Variants in ATE1 observed in about 807,000 individuals in gnomAD.
The protein encoded by ATE1 is arginyl-tRNA--protein transferase 1.
ATE1 carries 36 observed loss-of-function variants against 70.5 expected under a neutral mutation model. The observed-to-expected ratio is 0.51, with a 90% confidence interval of 0.39 to 0.67. ATE1 has a LOEUF of 0.67. Among genes scored for constraint, ATE1 ranks in the 30% least tolerant of loss-of-function variants. ATE1 has a pLI of 0.00. For synonymous variants in ATE1, 232 were observed against 219.3 expected (o/e 1.06, Z -0.51); for missense variants, 593 against 629.5 (o/e 0.94, Z 0.62).
At chr10:121,786,609 C>A (rs922239288) in intron 11 of ATE1, among the ~76,000 whole-genome samples, 1 of 150,582 alleles carries the variant, frequency 6.6e-6, no homozygotes, top group Non-Finnish European at 1.5e-5. Context: ...GCAGAGGCTG[C>A]AGTGAGCCAA....
intron 7 of ATE1, among the ~76,000 whole-genome samples, chr10:121,896,372 A>G (rs1950779236): frequency 6.6e-6 from 1 of 152,256 alleles, no homozygotes; most frequent in African/African-American, 2.4e-5. Flanking sequence ...CAAAATAACA[A>G]CAAAAAAGTA....
intron 10 of ATE1, among the ~76,000 whole-genome samples, chr10:121,793,096 TA>T (rs1257554012): frequency 6.6e-6 from 1 of 152,162 alleles, no homozygotes; most frequent in Non-Finnish European, 1.5e-5. Flanking sequence ...TGCATTTTTT[TA>T]AAAAAGGCAA....
Position 121,811,294 on chromosome 10 carries a change from A to T in ATE1, c.1258-21005T>A, listed in dbSNP as rs148097127. Among the ~76,000 whole-genome samples, 79 of 152,210 alleles carry T rather than the reference A, an allele frequency of 5.2e-4. 1 individual carries two copies. Among genetic ancestry groups the T allele is most frequent in the African/African-American group, 1.8e-3 (76 of 41,476 alleles). On this transcript the variant is annotated intron_variant, in intron 10 of 11. Transcript: ENST00000224652. ...TAAACAGGGAGAGAGAGGGGGAGAA[A>T]AGAGGGAGAAAAAAATGACAACAGA...
intron 7 of ATE1, among the ~76,000 whole-genome samples, chr10:121,885,022 A>G (rs1950337635): frequency 6.6e-6 from 1 of 152,126 alleles, no homozygotes; most frequent in South Asian, 2.1e-4. Context: ...GCACTTTGGG[A>G]GGCCAAGGCA....
chr10:121,900,154 A>C (rs1950924636), intron 6 of ATE1, among the ~76,000 whole-genome samples, 160 bp from the exon 7 acceptor site: 1 of 152,228 alleles, frequency 6.6e-6, no homozygotes, highest in Non-Finnish European at 1.5e-5. Context: ...GTAAATAAAG[A>C]AAAAAGTTAT....
chr10:121,817,526 G>A (rs537954755), intron 10 of ATE1, among the ~76,000 whole-genome samples: 17 of 122,272 alleles, frequency 1.4e-4, no homozygotes, highest in Non-Finnish European at 2.0e-4. Context: ...GCGACAGAGC[G>A]AGACTCTGTC....
intron 10 of ATE1, among the ~76,000 whole-genome samples, chr10:121,812,277 T>C (rs923449502): frequency 3.3e-5 from 5 of 152,238 alleles, no homozygotes; most frequent in South Asian, 2.1e-4. Context: ...CTAAAATATG[T>C]AGCCACGGTA....
chr10:121,775,426 T>C (rs1324860815), intron 11 of ATE1, among the ~76,000 whole-genome samples: 1 of 152,038 alleles, frequency 6.6e-6, no homozygotes, highest in Non-Finnish European at 1.5e-5. Flanking sequence ...GGCACATGTA[T>C]AACTATGTAA....
chr10:121,799,854 T>C (rs1469667220), intron 10 of ATE1, among the ~76,000 whole-genome samples: 1 of 152,198 alleles, frequency 6.6e-6, no homozygotes, highest in East Asian at 1.9e-4. Flanking sequence ...CTTCTTACAA[T>C]TGAATATACA....
intron 5 of ATE1, among the ~76,000 whole-genome samples, chr10:121,905,679 C>T (rs752829189): frequency 6.6e-6 from 1 of 152,026 alleles, no homozygotes; most frequent in African/African-American, 2.4e-5. Flanking sequence ...CCTGTCTCTA[C>T]TAAAAATACA....
chr10:121,928,377 A>C (rs1952192910), upstream of ATE1: 1 of 1,532,884 alleles, frequency 6.5e-7, no homozygotes, highest in South Asian at 1.2e-5. Context: ...TTGGAATCGC[A>C]GTAGCCGCAG....
chr10:121,806,824 G>A (rs939546767), intron 10 of ATE1, among the ~76,000 whole-genome samples: 27 of 152,294 alleles, frequency 1.8e-4, no homozygotes, highest in African/African-American at 3.8e-4. Context: ...TCAGGTGAAC[G>A]TACACGGGTG....
In ATE1 at chr10:121,818,324, C is replaced by G. The variant is rs115116275; in HGVS notation, c.1257+18394G>C. Among the ~76,000 whole-genome samples, 1,172 of 144,288 alleles carry G rather than the reference C, an allele frequency of 8.1e-3. 18 individuals carry two copies. Among genetic ancestry groups the G allele is most frequent in the African/African-American group, 0.029 (1,125 of 39,316 alleles). 94.7% of individuals were successfully genotyped at this position (144,288 alleles called of 152,430 possible). A position where few individuals can be genotyped will look rare whatever the true frequency, so the allele number is the denominator to read the frequency against. On this transcript the variant is annotated intron_variant, in intron 10 of 11. Transcript: ENST00000224652. ...TTTAATTACTGAGTTATTAGCTATT[C>G]AATTATCACACCATTAAGAGAAAAG...
intron 10 of ATE1, among the ~76,000 whole-genome samples, chr10:121,796,353 A>AT (rs921844755): frequency 1.9e-4 from 29 of 152,302 alleles, no homozygotes; most frequent in Admixed American, 7.2e-4. Context: ...TTAATTAAAC[A>AT]TTTTTTTGGT....
intron 10 of ATE1, among the ~76,000 whole-genome samples, chr10:121,804,103 T>C (rs1947000628): frequency 6.6e-6 from 1 of 151,884 alleles, no homozygotes; most frequent in Non-Finnish European, 1.5e-5. Flanking sequence ...GATTATTTCC[T>C]CCCTTTCTAA....
At chr10:121,801,391 T>C (rs985020325) in intron 10 of ATE1, among the ~76,000 whole-genome samples, 1 of 152,158 alleles carries the variant, frequency 6.6e-6, no homozygotes, top group Non-Finnish European at 1.5e-5. Flanking sequence ...TTGGAAACCC[T>C]GAGTTAATCT....
chr10:121,745,512 C>T (rs1053741494), intron 11 of ATE1, among the ~76,000 whole-genome samples: 3 of 152,008 alleles, frequency 2.0e-5, no homozygotes, highest in Admixed American at 6.6e-5. Flanking sequence ...GTCAGGAGAT[C>T]GACACCATTC....
At chr10:121,819,947 ACCAG>A (rs1947727130) in intron 10 of ATE1, among the ~76,000 whole-genome samples, 1 of 151,952 alleles carries the variant, frequency 6.6e-6, no homozygotes, top group South Asian at 2.1e-4. Context: ...GGAGTTCGAG[ACCAG>A]CCTGGCCAAC....
intron 8 of ATE1, among the ~76,000 whole-genome samples, chr10:121,851,269 T>C (rs1256091843): frequency 6.6e-6 from 1 of 151,540 alleles, no homozygotes; most frequent in African/African-American, 2.4e-5. Context: ...AAATACAAAA[T>C]AGTAGCCAGG....
Sources: gnomAD v4.1 joint callset for allele counts (sites outside exome capture counted in the v4.1 genomes callset) on GRCh38, gnomAD v4.1.1 for gene constraint, MANE v1.5 for transcripts, NCBI Gene and HGNC (gene_info 2026-07-23, HGNC 2026-07-21) for gene names.